Variants in CNTNAP5 observed in about 807,000 individuals in gnomAD.
CNTNAP5 encodes the protein contactin-associated protein-like 5.
Under a neutral mutation model 150.2 loss-of-function variants are expected in CNTNAP5, and 72 were observed. That is an observed-to-expected ratio of 0.48 (90% CI 0.40 to 0.58). The LOEUF is 0.58. Among genes scored for constraint, CNTNAP5 ranks in the 20% least tolerant of loss-of-function variants. The probability of loss-of-function intolerance (pLI) is 0.00; values close to 1 mark genes in which losing one functional copy is unlikely to be tolerated. For synonymous variants in CNTNAP5, 672 were observed against 619.8 expected (o/e 1.08, Z -1.25); for missense variants, 1,636 against 1,626.2 (o/e 1.01, Z -0.10).
At chr2:124,403,950 G>A (rs532534578) in intron 3 of CNTNAP5, among the ~76,000 whole-genome samples, 3 of 152,246 alleles carry the variant, frequency 2.0e-5, no homozygotes, top group South Asian at 4.1e-4. Context: ...TCACTAGCAC[G>A]AGAATAGCAT....
intron 10 of CNTNAP5, among the ~76,000 whole-genome samples, chr2:124,546,575 C>A (rs1377836441): frequency 6.6e-6 from 1 of 152,122 alleles, no homozygotes; most frequent in Admixed American, 6.5e-5. Flanking sequence ...TTGGGCTGCT[C>A]ATTGTGGGCA....
chr2:124,560,355 C>T (rs1333801603), intron 10 of CNTNAP5, among the ~76,000 whole-genome samples: 2 of 151,860 alleles, frequency 1.3e-5, no homozygotes, highest in Non-Finnish European at 2.9e-5. Flanking sequence ...CTCATCTCTA[C>T]TAAAAATACA....
intron 11 of CNTNAP5, among the ~76,000 whole-genome samples, chr2:124,592,509 A>G (rs145149946): frequency 2.0e-3 from 295 of 149,810 alleles, no homozygotes; most frequent in Admixed American, 3.9e-3. Flanking sequence ...TAAATCTACA[A>G]CACATAAAAA....
chr2:124,776,535 C>G (rs1467488458), intron 17 of CNTNAP5, among the ~76,000 whole-genome samples: 5 of 152,144 alleles, frequency 3.3e-5, no homozygotes, highest in Non-Finnish European at 5.9e-5. Context: ...TTATTTTGTG[C>G]TCTGGCACTT....
intron 3 of CNTNAP5, among the ~76,000 whole-genome samples, chr2:124,330,888 G>A (rs1032404555): frequency 6.7e-6 from 1 of 149,012 alleles, no homozygotes; most frequent in Non-Finnish European, 1.5e-5. Flanking sequence ...AAAAGAATCA[G>A]CAACGTTTCA....
rs1678798602 is a variant in CNTNAP5 at position 124,917,711 on chromosome 2, T to C, written c.*3423T>C. 6.6e-6 allele frequency among the ~76,000 whole-genome samples: 1 copy of C among 152,074 alleles called. No individual in the cohort carries two copies. Among genetic ancestry groups the C allele is most frequent in the South Asian group, 2.1e-4 (1 of 4,822 alleles). On this transcript the variant is annotated 3_prime_UTR_variant, in exon 24 of 24. Transcript: ENST00000682447. ...TCTTTTTTCATTCATGAAGTATTTATGGAATGCCAATGAGTGCCGGGCTAG... is the reference window on the plus strand; with the variant it reads ...TCTTTTTTCATTCATGAAGTATTTACGGAATGCCAATGAGTGCCGGGCTAG...
chr2:124,084,401 G>T (rs1159121662), intron 1 of CNTNAP5, among the ~76,000 whole-genome samples: 1 of 151,732 alleles, frequency 6.6e-6, no homozygotes, highest in African/African-American at 2.4e-5. Flanking sequence ...CAAGTAGCTG[G>T]GACTACAGAT....
intron 7 of CNTNAP5, among the ~76,000 whole-genome samples, chr2:124,487,280 A>G (rs1468538614): frequency 6.6e-6 from 1 of 152,206 alleles, no homozygotes; most frequent in African/African-American, 2.4e-5. Context: ...TAAAAATATT[A>G]ATGATCATTT....
intron 19 of CNTNAP5, among the ~76,000 whole-genome samples, chr2:124,802,526 G>A (rs1681991040): frequency 6.6e-6 from 1 of 152,176 alleles, no homozygotes; most frequent in Non-Finnish European, 1.5e-5. Context: ...GGAAAGAGAA[G>A]GCAGTTTTAG....
At chr2:124,470,345 G>A (rs1693479383) in intron 6 of CNTNAP5, among the ~76,000 whole-genome samples, 1 of 152,012 alleles carries the variant, frequency 6.6e-6, no homozygotes, top group Non-Finnish European at 1.5e-5. Flanking sequence ...TTTTTCATAT[G>A]CTTGTTAGCT....
intron 3 of CNTNAP5, among the ~76,000 whole-genome samples, chr2:124,294,305 AT>A (rs1688369292): frequency 6.6e-6 from 1 of 152,220 alleles, no homozygotes; most frequent in South Asian, 2.1e-4. Flanking sequence ...ATGAAAAAAA[AT>A]AAGGTAATAT....
chr2:124,567,479 T>A (rs1256698094), intron 11 of CNTNAP5, among the ~76,000 whole-genome samples: 1 of 152,208 alleles, frequency 6.6e-6, no homozygotes, highest in Admixed American at 6.5e-5. Flanking sequence ...GAAACCTACC[T>A]CATAAAGTGC....
chr2:124,517,037 G>A (rs999583553), intron 8 of CNTNAP5, among the ~76,000 whole-genome samples: 1 of 152,222 alleles, frequency 6.6e-6, no homozygotes, highest in African/African-American at 2.4e-5. Context: ...TGTGCTGTTG[G>A]TGATGGGGAT....
intron 3 of CNTNAP5, among the ~76,000 whole-genome samples, chr2:124,357,910 T>C (rs1204176856): frequency 6.6e-6 from 1 of 151,476 alleles, no homozygotes; most frequent in South Asian, 2.1e-4. Context: ...TATGGCAATT[T>C]TCATGATATT....
At chr2:124,647,270 C>A (rs1284879126) in intron 12 of CNTNAP5, among the ~76,000 whole-genome samples, 2 of 152,156 alleles carry the variant, frequency 1.3e-5, no homozygotes, top group Non-Finnish European at 2.9e-5. Flanking sequence ...GTGTGGATCA[C>A]ACAATCTCAA....
At chr2:124,042,424 T>G (rs1178964562) in intron 1 of CNTNAP5, among the ~76,000 whole-genome samples, 1 of 152,154 alleles carries the variant, frequency 6.6e-6, no homozygotes, top group Non-Finnish European at 1.5e-5. Flanking sequence ...TATTATACTT[T>G]TCATTATTTG....
chr2:124,451,414 A>T (rs1345640143), intron 6 of CNTNAP5, among the ~76,000 whole-genome samples: 1 of 152,034 alleles, frequency 6.6e-6, no homozygotes, highest in Non-Finnish European at 1.5e-5. Context: ...AAGATATATA[A>T]AAAATTTCGT....
chr2:124,347,469 C>CGTCT (rs1444286888), intron 3 of CNTNAP5, among the ~76,000 whole-genome samples: 2 of 152,152 alleles, frequency 1.3e-5, no homozygotes, highest in Admixed American at 6.5e-5. Flanking sequence ...CAGAAGGACA[C>CGTCT]GTCTGAGAGC....
At chr2:124,302,590 C>T (rs1473122999) in intron 3 of CNTNAP5, among the ~76,000 whole-genome samples, 4 of 152,160 alleles carry the variant, frequency 2.6e-5, no homozygotes, top group Non-Finnish European at 5.9e-5. Flanking sequence ...TAACTCACTC[C>T]GCAAAATAGC....
Sources: gnomAD v4.1 joint callset for allele counts (sites outside exome capture counted in the v4.1 genomes callset) on GRCh38, gnomAD v4.1.1 for gene constraint, MANE v1.5 for transcripts, NCBI Gene and HGNC (gene_info 2026-07-23, HGNC 2026-07-21) for gene names.